Variants in VEGFC observed in about 807,000 individuals in gnomAD.
VEGFC encodes the protein vascular endothelial growth factor C.
In VEGFC, 12 loss-of-function variants were observed where a neutral mutation model predicts 46.1. The ratio of observed to expected loss-of-function variants is 0.26; its 90% CI spans 0.17 to 0.42. VEGFC has a LOEUF of 0.42. VEGFC is among the 10% of genes least tolerant of loss of function. VEGFC has a pLI of 1.00. For synonymous variants in VEGFC, 232 were observed against 195.5 expected, an observed-to-expected ratio of 1.19 and a Z score of -1.56; for missense variants, 488 against 529.4, an observed-to-expected ratio of 0.92 and a Z score of 0.77.
At chr4:176,706,799 G>A (rs1050639055) in intron 4 of VEGFC, among the ~76,000 whole-genome samples, 2 of 151,826 alleles carry the variant, frequency 1.3e-5, no homozygotes, top group African/African-American at 4.8e-5. Flanking sequence ...TCATCTTTTC[G>A]TAAGTTTATG....
intron 1 of VEGFC, among the ~76,000 whole-genome samples, chr4:176,752,701 C>A (rs960804016): frequency 2.6e-5 from 4 of 151,974 alleles, no homozygotes; most frequent in Non-Finnish European, 5.9e-5. Context: ...TAATAACTTA[C>A]ACACAAATCT....
intron 4 of VEGFC, among the ~76,000 whole-genome samples, chr4:176,692,897 C>A (rs1734232350): frequency 6.8e-6 from 1 of 147,192 alleles, no homozygotes; most frequent in Non-Finnish European, 1.5e-5. Context: ...GGTATTCCAA[C>A]AGACCTGCAG....
chr4:176,767,601 T>C (rs1229324517), intron 1 of VEGFC, among the ~76,000 whole-genome samples: 1 of 152,192 alleles, frequency 6.6e-6, no homozygotes, highest in Admixed American at 6.5e-5. Context: ...TTTTGTTCTT[T>C]TCTGTTTCCT....
At chr4:176,709,172 A>G (rs1734581358) in intron 4 of VEGFC, among the ~76,000 whole-genome samples, 1 of 152,208 alleles carries the variant, frequency 6.6e-6, no homozygotes, top group African/African-American at 2.4e-5. Context: ...TTTATTTAAC[A>G]AGCATTTATG....
At chr4:176,690,427 C>T (rs376991308) in intron 4 of VEGFC, among the ~76,000 whole-genome samples, 5 of 151,762 alleles carry the variant, frequency 3.3e-5, no homozygotes, top group Admixed American at 6.6e-5. Context: ...AGATAGCATC[C>T]GTTACACATT....
intron 1 of VEGFC, among the ~76,000 whole-genome samples, chr4:176,779,681 T>TG (rs1553997691): frequency 1.3e-5 from 2 of 151,752 alleles, no homozygotes; most frequent in Non-Finnish European, 2.9e-5. Context: ...CTGCACATTT[T>TG]CCTATTGCAC....
chr4:176,716,902 A>T (rs2111004778), intron 3 of VEGFC, among the ~76,000 whole-genome samples: 1 of 152,268 alleles, frequency 6.6e-6, no homozygotes, highest in Non-Finnish European at 1.5e-5. Flanking sequence ...TTTGTGCTTT[A>T]TTGTGTATAT....
At chr4:176,777,555 G>A (rs1368665937) in intron 1 of VEGFC, among the ~76,000 whole-genome samples, 1 of 152,004 alleles carries the variant, frequency 6.6e-6, no homozygotes, top group Non-Finnish European at 1.5e-5. Flanking sequence ...CCTAAATACT[G>A]GCTTATAGGC....
At chr4:176,687,559 T>C (rs1246438034) in intron 5 of VEGFC, 39 bp from the exon 6 acceptor site, 1 of 1,482,460 alleles carries the variant, frequency 6.7e-7, no homozygotes, top group African/African-American at 1.4e-5. Flanking sequence ...ATACCTTACT[T>C]GGTTCTGGGT....
At position 176,711,523 on chromosome 4, in the gene VEGFC, C is replaced by T; in HGVS notation, c.680G>A (p.Arg227His). The T allele has an allele frequency of 6.2e-7, 1 of 1,612,676 alleles. No individual in the cohort carries two copies. The highest frequency in any genetic ancestry group is 8.5e-7 in the Non-Finnish European group (1 of 1,179,312). The change falls in exon 4 of 7, where the codon CGT (arginine) becomes CAT (histidine). Residue 227 changes from arginine to histidine, a missense_variant. Physicochemically the swap from Arg to His is conservative, Grantham distance 29. Transcript: ENST00000618562. Reference protein sequence around the residue: ...VYRQVHSIIRRSLPATLPQCQ... With the variant: ...VYRQVHSIIRHSLPATLPQCQ... ...CTGTGGTAGTGTTGCTGGCAGGGAA[C>T]GTCTAATAATGGAATGAACTTGTCT...
intron 1 of VEGFC, among the ~76,000 whole-genome samples, chr4:176,775,579 T>C (rs1322664948): frequency 6.6e-6 from 1 of 152,186 alleles, no homozygotes; most frequent in Non-Finnish European, 1.5e-5. Flanking sequence ...GATAAGCTTA[T>C]AGGCCATGTA....
intron 4 of VEGFC, among the ~76,000 whole-genome samples, chr4:176,688,356 T>C (rs996718641): frequency 1.3e-5 from 2 of 152,184 alleles, no homozygotes; most frequent in African/African-American, 4.8e-5. Context: ...AGATGTACCA[T>C]TATTTATTTT....
rs577186123 is a variant in VEGFC, at chr4:176,782,630, C to T, written c.147+9535G>A. ...CTATAAAGCTTCATTTTATTATATG[C>T]TTACATACAATTCTAATTCTGAAAT... is the stretch of plus-strand genomic sequence containing the variant. On this transcript the variant is annotated intron_variant, in intron 1 of 6. Transcript: ENST00000618562. Among the ~76,000 whole-genome samples the T allele has an allele frequency of 1.5e-4, 23 of 152,056 alleles. 1 individual carries two copies. In the South Asian group the frequency reaches 3.3e-3, roughly 22 times the overall value.
rs183495311 is a variant in VEGFC at position 176,741,798 on chromosome 4, C to A, written c.148-12052G>T. 4.6e-5 allele frequency among the ~76,000 whole-genome samples: 7 copies of A among 152,000 alleles called. No individual in the cohort carries two copies. The East Asian group carries it at 1.4e-3, about 29-fold the overall frequency. On this transcript the variant is annotated intron_variant, in intron 1 of 6. Coordinates refer to ENST00000618562, the MANE Select transcript of VEGFC (RefSeq NM_005429.5). ...CATTATACAGTTTCTTGACATGTAA[C>A]CAGATTTTGGAAGAAAAGTTATAAA...
chr4:176,700,570 C>A (rs1734410949), intron 4 of VEGFC, among the ~76,000 whole-genome samples: 1 of 152,096 alleles, frequency 6.6e-6, no homozygotes, highest in Non-Finnish European at 1.5e-5. Context: ...AAGTACAGGA[C>A]TTAACTGAGT....
chr4:176,734,898 T>A (rs1325000776), intron 1 of VEGFC, among the ~76,000 whole-genome samples: 1 of 151,870 alleles, frequency 6.6e-6, no homozygotes, highest in Non-Finnish European at 1.5e-5. Flanking sequence ...TTTATGCCTT[T>A]GTATGAAAGC....
At chr4:176,779,026 C>T (rs1038317309) in intron 1 of VEGFC, among the ~76,000 whole-genome samples, 3 of 152,160 alleles carry the variant, frequency 2.0e-5, no homozygotes, top group African/African-American at 7.2e-5. Context: ...ATTAAGTGCA[C>T]ACGCCATATG....
intron 1 of VEGFC, among the ~76,000 whole-genome samples, chr4:176,744,704 A>T (rs2110884980): frequency 6.6e-6 from 1 of 152,216 alleles, no homozygotes; most frequent in South Asian, 2.1e-4. Context: ...GCTAGTTTTT[A>T]AAAAATACAT....
chr4:176,724,193 A>G (rs928316089), intron 3 of VEGFC, among the ~76,000 whole-genome samples: 1 of 152,360 alleles, frequency 6.6e-6, no homozygotes, highest in East Asian at 1.9e-4. Context: ...ATTATTAATA[A>G]TCTTCAAGGC....
Sources: gnomAD v4.1 joint callset for allele counts (sites outside exome capture counted in the v4.1 genomes callset) on GRCh38, gnomAD v4.1.1 for gene constraint, MANE v1.5 for transcripts, NCBI Gene and HGNC (gene_info 2026-07-23, HGNC 2026-07-21) for gene names.